Variants in ASPDH observed in about 807,000 individuals in gnomAD.
ASPDH encodes the protein aspartate dehydrogenase domain-containing protein.
Under a neutral mutation model 30.5 loss-of-function variants are expected in ASPDH, and 25 were observed. That is an observed-to-expected ratio of 0.82 (90% CI 0.60 to 1.14). ASPDH has a LOEUF of 1.14. ASPDH is among the 50% of genes most tolerant of loss of function. The pLI is 0.00. For synonymous variants in ASPDH, 168 were observed against 156.3 expected (o/e 1.07, Z -0.56); for missense variants, 401 against 381.5 (o/e 1.05, Z -0.43).
chr19:50,513,123 C>T lies in ASPDH; in HGVS notation c.198-112G>A, dbSNP rs111506626. The T allele has an allele frequency of 1.2e-5, 15 of 1,271,172 alleles. 1 individual carries two copies. The highest frequency in any genetic ancestry group is 9.0e-5 in the African/African-American group (6 of 66,910). The allele number at this position is 1,271,172 out of a possible 1,614,324, so 78.7% of individuals were successfully genotyped here. A position where few individuals can be genotyped will look rare whatever the true frequency, so the allele number is the denominator to read the frequency against. On this transcript the variant is annotated intron_variant, in intron 2 of 6. Coordinates refer to ENST00000389208, the MANE Select transcript of ASPDH (RefSeq NM_001114598.2). The surrounding 1 kb of genome is among the most constrained non-coding windows in gnomAD (Gnocchi z 4.9). ...CCCTTCTTCTCCCTGACCTGGGAGG[C>T]GAAATGAGATGAATGGGTTCGTCCT...
chr19:50,512,106 CA>C (rs773443030), intron 6 of ASPDH, 29 bp downstream of exon 6: 2 of 1,507,180 alleles, frequency 1.3e-6, no homozygotes, highest in South Asian at 2.5e-5. Flanking sequence ...CACAGGAGCC[CA>C]GGGCCGGGGG....
rs1325336392 is a variant in ASPDH, at chr19:50,512,757, CT to C, written c.335del (p.Glu112GlyfsTer98). 2.6e-6 allele frequency: 4 copies of C among 1,562,520 alleles called. No homozygotes were observed. Among genetic ancestry groups the C allele is most frequent in the Non-Finnish European group, 3.5e-6 (4 of 1,153,162 alleles). ...CGGCGTGGTCCCAGTGCTGTGAGGC[CT>C]CCAAGAGCTGCCGCTCTGTGGTCTG... ...SDQTTERQLL[E>X]ASQHWDHAVF... On this transcript the variant is annotated frameshift_variant, in exon 4 of 7. Transcript: ENST00000389208. LOFTEE classifies it high-confidence loss of function.
At chr19:50,514,175 G>A (rs377399715), upstream of ASPDH, among the ~76,000 whole-genome samples, 2 of 152,274 alleles carry the variant, frequency 1.3e-5, no homozygotes, top group South Asian at 4.1e-4. Flanking sequence ...AGGTTGTCAT[G>A]GAAACTGCAT....
chr19:50,513,266 A>T lies in ASPDH; in HGVS notation c.197+6T>A. 6.8e-7 allele frequency: 1 copy of T among 1,470,218 alleles called. No individual in the cohort carries two copies. Among genetic ancestry groups the T allele is most frequent in the Non-Finnish European group, 9.0e-7 (1 of 1,108,688 alleles). 91.1% of individuals were successfully genotyped at this position (1,470,218 alleles called of 1,614,324 possible). On this transcript the variant is annotated splice_donor_region_variant and intron_variant, in intron 2 of 6. Transcript: ENST00000389208. The surrounding 1 kb of genome is among the most constrained non-coding windows in gnomAD (Gnocchi z 4.9). The stretch of plus-strand genomic sequence containing the variant: ...AGCTCCACTCTCCCATGGCAAGGTC[A>T]CTGACCTTTCCCCAAGGGCAGCAAG...
chr19:50,513,897 C>T lies in ASPDH; in HGVS notation c.-74G>A. Reference sequence around the variant, plus strand: ...CCGCTGCACAAGGCCTGGGCAGCCGCTGCTCTTTGGACATCTGACCCTTGA... The same window carrying T: ...CCGCTGCACAAGGCCTGGGCAGCCGTTGCTCTTTGGACATCTGACCCTTGA... On this transcript the variant is annotated 5_prime_UTR_variant, in exon 1 of 7. Transcript: ENST00000389208. The surrounding 1 kb of genome is among the most constrained non-coding windows in gnomAD (Gnocchi z 4.9). 6 of 1,506,998 alleles carry T rather than the reference C, an allele frequency of 4.0e-6. No homozygotes were observed. Among genetic ancestry groups the T allele is most frequent in the Non-Finnish European group, 5.3e-6 (6 of 1,123,944 alleles). The allele number at this position is 1,506,998 out of a possible 1,614,324, so 93.4% of individuals were successfully genotyped here.
At chr19:50,514,611 G>A, upstream of ASPDH, 5 of 1,606,628 alleles carry the variant, frequency 3.1e-6, no homozygotes, top group Non-Finnish European at 4.2e-6. Context: ...GGCCTGGAGA[G>A]GCCAAGTGCC....
rs750953723 is a variant in ASPDH at position 50,512,470 on chromosome 19, A to C, written c.543T>G (p.Arg181=). The C allele has an allele frequency of 2.5e-6, 4 of 1,598,094 alleles. No individual in the cohort carries two copies. The highest frequency in any genetic ancestry group is 3.4e-5 in the Admixed American group (2 of 58,572). The change falls in exon 5 of 7, where the codon CGT becomes CGG. Residue 181 remains arginine (R), a synonymous_variant. Transcript: ENST00000389208. ...PCTVLYEGPV[R]GLCPFAPRNS... ...TTCGCGGGGCAAAGGGGCAGAGCCC[A>C]CGGACAGGGCCTTCGTAGAGCACAG...
At position 50,513,345 on chromosome 19, in the gene ASPDH, G is replaced by A. The variant is rs777296433; in HGVS notation, c.124C>T (p.Arg42Cys). ...CTCCCTGCCATTCGTCCTGGGTCAC[G>A]ATTCCAGACAAAAACAAGTTCTAGG... is the stretch of plus-strand genomic sequence containing the variant. ...LGLELVFVWN[R>C]DPGRMAGSVP... is the part of the protein sequence containing the mutation. Residue 42 changes from arginine (R) to cysteine (C), a missense_variant, in exon 2 of 7, where the codon CGT becomes TGT. Arg to Cys is a radical substitution (Grantham distance 180). Coordinates refer to ENST00000389208, the MANE Select transcript of ASPDH (RefSeq NM_001114598.2). This position sits in a 1 kb window ranked among gnomAD's most constrained non-coding sequence, Gnocchi z 4.9. 1.6e-5 allele frequency: 25 copies of A among 1,541,392 alleles called. No homozygotes were observed. The East Asian group carries it at 2.9e-4, about 18-fold the overall frequency.
rs754765156 is a variant in ASPDH at position 50,513,255 on chromosome 19, A to G, written c.197+17T>C. The G allele has an allele frequency of 4.9e-5, 71 of 1,457,090 alleles. No individual in the cohort carries two copies. Among genetic ancestry groups the G allele is most frequent in the Non-Finnish European group, 5.9e-5 (65 of 1,101,702 alleles). The allele number at this position is 1,457,090 out of a possible 1,614,324, so 90.3% of individuals were successfully genotyped here. A position where few individuals can be genotyped will look rare whatever the true frequency, so the allele number is the denominator to read the frequency against. On this transcript the variant is annotated intron_variant, in intron 2 of 6. Coordinates refer to ENST00000389208, the MANE Select transcript of ASPDH (RefSeq NM_001114598.2). The surrounding 1 kb of genome is among the most constrained non-coding windows in gnomAD (Gnocchi z 4.9). ...GAGCTTCAGGGAGCTCCACTCTCCC[A>G]TGGCAAGGTCACTGACCTTTCCCCA...
At position 50,513,520 on chromosome 19, in the gene ASPDH, A is replaced by G; in HGVS notation, c.53-104T>C. The G allele has an allele frequency of 8.1e-7, 1 of 1,236,464 alleles. No homozygotes were observed. The highest frequency in any genetic ancestry group is 1.1e-6 in the Non-Finnish European group (1 of 909,168). 76.6% of individuals were successfully genotyped at this position (1,236,464 alleles called of 1,614,324 possible). ...AGACCCAGAGAGAGAGGAGGTGGGG[A>G]CAGACTCAGATTGCGGGGTAGGGAG... On this transcript the variant is annotated intron_variant, in intron 1 of 6. Transcript: ENST00000389208. The surrounding 1 kb of genome is among the most constrained non-coding windows in gnomAD (Gnocchi z 4.9).
upstream of ASPDH, chr19:50,514,862 C>T: frequency 2.0e-6 from 2 of 985,364 alleles, no homozygotes; most frequent in Non-Finnish European, 2.4e-6. Context: ...AGAGAGGAGA[C>T]AGACGCGGGC....
chr19:50,514,637 A>G, upstream of ASPDH: 1 of 1,595,040 alleles, frequency 6.3e-7, no homozygotes, highest in South Asian at 1.1e-5. Context: ...CATGAGCCCC[A>G]GCCTCTGTGC....
Position 50,513,206 on chromosome 19 carries a change from C to G in ASPDH, c.197+66G>C, listed in dbSNP as rs943558501. 4.3e-6 allele frequency: 6 copies of G among 1,401,128 alleles called. No homozygotes were observed. Among genetic ancestry groups the G allele is most frequent in the Non-Finnish European group, 5.7e-6 (6 of 1,057,102 alleles). The allele number at this position is 1,401,128 out of a possible 1,614,324, so 86.8% of individuals were successfully genotyped here. On this transcript the variant is annotated intron_variant, in intron 2 of 6. Transcript: ENST00000389208. The surrounding 1 kb of genome is among the most constrained non-coding windows in gnomAD (Gnocchi z 4.9). Reference sequence around the variant, plus strand: ...GGGTCAGGGAACCCCTGAGATCACACAGTGGCTAAGAGAGCCAGGACAGGA... The same window carrying G: ...GGGTCAGGGAACCCCTGAGATCACAGAGTGGCTAAGAGAGCCAGGACAGGA...
chr19:50,512,951 T>G lies in ASPDH; in HGVS notation c.258A>C (p.Gln86His). The G allele has an allele frequency of 6.2e-7, 1 of 1,613,582 alleles. No individual in the cohort carries two copies. Among genetic ancestry groups the G allele is most frequent in the Non-Finnish European group, 8.5e-7 (1 of 1,179,804 alleles). The change falls in exon 3 of 7, where the codon CAA becomes CAC. Residue 86 changes from glutamine to histidine, a missense_variant. Transcript: ENST00000389208. ...HPKIIHESGA[Q>H]ILRHANLLVG... ...CCAGGAGATTGGCATGGCGCAGGAT[T>G]TGTGCCCCAGATTCATGGATTATTT...
chr19:50,513,500 CAG>C lies in ASPDH; in HGVS notation c.53-86_53-85del, dbSNP rs1306268845. On this transcript the variant is annotated intron_variant, in intron 1 of 6. Coordinates refer to ENST00000389208, the MANE Select transcript of ASPDH (RefSeq NM_001114598.2). The surrounding 1 kb of genome is among the most constrained non-coding windows in gnomAD (Gnocchi z 4.9). ...GAGAGAGGAGGTGGGGACAGAGACC[CAG>C]AGAGAGAGGAGGTGGGGACAGACTC... 8.1e-6 allele frequency: 11 copies of C among 1,361,396 alleles called. No individual in the cohort carries two copies. Among genetic ancestry groups the C allele is most frequent in the East Asian group, 2.6e-5 (1 of 38,506 alleles). The allele number at this position is 1,361,396 out of a possible 1,614,324, so 84.3% of individuals were successfully genotyped here.
Position 50,513,020 on chromosome 19 carries a change from G to T in ASPDH, c.198-9C>A, listed in dbSNP as rs1413310402. The T allele has an allele frequency of 2.5e-6, 4 of 1,608,976 alleles. No individual in the cohort carries two copies. Among genetic ancestry groups the T allele is most frequent in the Non-Finnish European group, 3.4e-6 (4 of 1,176,434 alleles). ...CAACCAGATCAGGGCGCCTGGGAGA[G>T]GGGAAAGAGGGCGGAGGGTCTTGGA... On this transcript the variant is annotated splice_polypyrimidine_tract_variant and intron_variant, in intron 2 of 6. Coordinates refer to ENST00000389208, the MANE Select transcript of ASPDH (RefSeq NM_001114598.2). The surrounding 1 kb of genome is among the most constrained non-coding windows in gnomAD (Gnocchi z 4.9).
chr19:50,513,810 C>A lies in ASPDH; in HGVS notation c.14G>T (p.Gly5Val), dbSNP rs752606168. MADR[G>V]PWRVGVVGYG... Reference sequence around the variant, plus strand: ...GCCCACCACGCCCACCCTCCACGGGCCCCTGTCGGCCATGGCCCTGAGTGC... The same window carrying A: ...GCCCACCACGCCCACCCTCCACGGGACCCTGTCGGCCATGGCCCTGAGTGC... Residue 5 changes from glycine to valine, a missense_variant, in exon 1 of 7, where the codon GGC becomes GTC. Gly to Val is a moderately radical substitution (Grantham distance 109). Coordinates refer to ENST00000389208, the MANE Select transcript of ASPDH (RefSeq NM_001114598.2). The surrounding 1 kb of genome is among the most constrained non-coding windows in gnomAD (Gnocchi z 4.9). 5.8e-6 allele frequency: 9 copies of A among 1,550,586 alleles called. No individual in the cohort carries two copies. Among genetic ancestry groups the A allele is most frequent in the Non-Finnish European group, 7.8e-6 (9 of 1,146,786 alleles).
At chr19:50,514,691 G>A (rs897880947), upstream of ASPDH, 60 of 1,495,586 alleles carry the variant, frequency 4.0e-5, no homozygotes, top group African/African-American at 3.2e-4. Context: ...CTGCGGCAGC[G>A]CAGGCTCCCT....
chr19:50,512,279 A>T lies in ASPDH; in HGVS notation c.665T>A (p.Met222Lys). Reference sequence around the variant, plus strand: ...GCTCAGCTCTACATCCACCACGTGCATGTCCGTGAGGCTGGGACAAGAGGG... The same window carrying T: ...GCTCAGCTCTACATCCACCACGTGCTTGTCCGTGAGGCTGGGACAAGAGGG... ...VLVADTSLTD[M>K]HVVDVELSGP... Residue 222 changes from methionine (M) to lysine (K), a missense_variant, in exon 6 of 7, where the codon ATG (methionine) becomes AAG (lysine). Met to Lys is a moderately conservative substitution (Grantham distance 95, BLOSUM62 -1). Coordinates refer to ENST00000389208, the MANE Select transcript of ASPDH (RefSeq NM_001114598.2). 3 of 1,613,694 alleles carry T rather than the reference A, an allele frequency of 1.9e-6. No homozygotes were observed. The highest frequency in any genetic ancestry group is 2.5e-6 in the Non-Finnish European group (3 of 1,179,944).
Sources: gnomAD v4.1 joint callset for allele counts (sites outside exome capture counted in the v4.1 genomes callset) on GRCh38, gnomAD v4.1.1 for gene constraint, Gnocchi (gnomAD v3.1) non-coding constraint, MANE v1.5 for transcripts, NCBI Gene and HGNC (gene_info 2026-07-23, HGNC 2026-07-21) for gene names.